GREB1: variants seen among roughly 807,000 people sequenced by gnomAD.
The protein encoded by GREB1 is growth regulating estrogen receptor binding 1.
Under a neutral mutation model 200.7 loss-of-function variants are expected in GREB1, and 106 were observed. The ratio of observed to expected loss-of-function variants is 0.53; its 90% CI spans 0.45 to 0.62. The LOEUF is 0.62. Ranked by LOEUF, GREB1 falls within the 20% of genes least tolerant of loss-of-function variation. GREB1 has a pLI of 0.00. For missense variants in GREB1, 2,243 were observed against 2,556.8 expected, an observed-to-expected ratio of 0.88 and a Z score of 2.65; for synonymous variants, 1,132 against 1,092.4, an observed-to-expected ratio of 1.04 and a Z score of -0.72.
chr2:11,487,738 C>A (rs75681738), intron 1 of GREB1, among the ~76,000 whole-genome samples: 3,580 of 152,274 alleles, frequency 0.024, 151 homozygotes, highest in African/African-American at 0.082. Flanking sequence ...AATTTTGTTT[C>A]TTGTGTTTCC....
chr2:11,618,823 G>A lies in GREB1; in HGVS notation c.3948G>A (p.Thr1316=), dbSNP rs772335576. The A allele has an allele frequency of 2.4e-5, 39 of 1,605,512 alleles. No homozygotes were observed. The highest frequency in any genetic ancestry group is 3.1e-5 in the Non-Finnish European group (36 of 1,179,310). ...TEQSLYYRQW[T]VPRPSHMDYG... is the part of the protein sequence containing the mutation. Reference sequence around the variant, plus strand: ...AGTCCCTCTACTACCGGCAGTGGACGGTGCCCCGGCCCAGCCACATGGACT... The same window carrying A: ...AGTCCCTCTACTACCGGCAGTGGACAGTGCCCCGGCCCAGCCACATGGACT... Residue 1316 remains threonine, a synonymous_variant, in exon 22 of 33, where the codon ACG becomes ACA. Transcript: ENST00000381486.
At chr2:11,593,167 C>T (rs763056368) in intron 11 of GREB1, 41 bp downstream of exon 11, 37 of 1,330,434 alleles carry the variant, frequency 2.8e-5, no homozygotes, top group Non-Finnish European at 3.6e-5. Flanking sequence ...GCCCCCTGAA[C>T]GGTGTTCCCG....
chr2:11,485,291 G>C (rs1349511894), intron 1 of GREB1, among the ~76,000 whole-genome samples: 2 of 112,346 alleles, frequency 1.8e-5, no homozygotes, highest in African/African-American at 7.4e-5. Flanking sequence ...TTTTTTTTTT[G>C]AGACAGAGTC....
At position 11,618,916 on chromosome 2, in the gene GREB1, T is replaced by C; in HGVS notation, c.4041T>C (p.Pro1347=). 1 of 1,512,414 alleles carries C rather than the reference T, an allele frequency of 6.6e-7. No homozygotes were observed. The highest frequency in any genetic ancestry group is 8.8e-7 in the Non-Finnish European group (1 of 1,133,926). 93.7% of individuals were successfully genotyped at this position (1,512,414 alleles called of 1,614,324 possible). The part of the protein sequence containing the change: ...HPRRLLLSGP[P]QIGKTGAYLQ... ...GCAGGCTGCTGCTCAGCGGCCCCCC[T>C]CAGGTGAGTGTTGCTCGCTGCCCCA... Residue 1347 remains proline, a synonymous_variant, in exon 22 of 33, where the codon CCT becomes CCC. Transcript: ENST00000381486.
intron 1 of GREB1, among the ~76,000 whole-genome samples, chr2:11,499,537 A>G (rs2043542): frequency 0.98 from 149,317 of 152,404 alleles, 73,184 homozygotes; most frequent in South Asian, 1. Flanking sequence ...CAGATCAATA[A>G]TATTTGCATT....
upstream of GREB1, among the ~76,000 whole-genome samples, chr2:11,530,197 G>A (rs892313481): frequency 1.3e-5 from 2 of 151,940 alleles, no homozygotes; most frequent in African/African-American, 4.8e-5. Flanking sequence ...TAGTAGCTGG[G>A]ACTACAGGTG....
intron 3 of GREB1, among the ~76,000 whole-genome samples, chr2:11,564,266 AG>A (rs939640583): frequency 7.2e-5 from 11 of 152,122 alleles, no homozygotes; most frequent in Admixed American, 1.3e-4. Context: ...CTGGGAGGGG[AG>A]GGACTCGGCC....
At chr2:11,626,164 G>C (rs1026610730) in intron 24 of GREB1, among the ~76,000 whole-genome samples, 1 of 152,180 alleles carries the variant, frequency 6.6e-6, no homozygotes. Flanking sequence ...TGACCCACCA[G>C]TCTCCATTTC....
At chr2:11,628,941 C>T (rs887141944) in intron 25 of GREB1, among the ~76,000 whole-genome samples, 1 of 152,186 alleles carries the variant, frequency 6.6e-6, no homozygotes, top group Non-Finnish European at 1.5e-5. Flanking sequence ...CGCGTGGCCC[C>T]CTGGCTGCCC....
intron 1 of GREB1, among the ~76,000 whole-genome samples, chr2:11,544,853 C>T (rs1405841451): frequency 1.3e-5 from 2 of 151,826 alleles, no homozygotes; most frequent in East Asian, 3.9e-4. Context: ...CTCACTCTGT[C>T]ACCCAGGCTG....
At chr2:11,587,741 A>ACACACACACACACGTG in intron 9 of GREB1, 3 of 788,322 alleles carry the variant, frequency 3.8e-6, no homozygotes, top group Non-Finnish European at 1.6e-6. Flanking sequence ...ACACACACAC[A>ACACACACACACACGTG]CGCCACCTTT....
At chr2:11,596,301 G>T in intron 13 of GREB1, 62 bp downstream of exon 13, 1 of 1,493,696 alleles carries the variant, frequency 6.7e-7, no homozygotes. Flanking sequence ...GAGGGGCAGG[G>T]TCAGTGGGCG....
upstream of GREB1, among the ~76,000 whole-genome samples, chr2:11,533,211 T>C (rs1674140602): frequency 6.6e-6 from 1 of 152,028 alleles, no homozygotes; most frequent in Non-Finnish European, 1.5e-5. Context: ...GAGACGGGGA[T>C]TGGGATGGGA....
chr2:11,537,062 A>G (rs1453754331), intron 1 of GREB1, among the ~76,000 whole-genome samples: 1 of 152,088 alleles, frequency 6.6e-6, no homozygotes, highest in Non-Finnish European at 1.5e-5. Flanking sequence ...TCCTGGGTTC[A>G]AGAGATTCTC....
chr2:11,547,355 C>T (rs1675383008), intron 1 of GREB1, among the ~76,000 whole-genome samples: 1 of 152,218 alleles, frequency 6.6e-6, no homozygotes, highest in South Asian at 2.1e-4. Flanking sequence ...CCAACCTTTC[C>T]AAGCCTTATT....
At chr2:11,615,998 A>G (rs1683367695) in intron 20 of GREB1, among the ~76,000 whole-genome samples, 1 of 152,220 alleles carries the variant, frequency 6.6e-6, no homozygotes, top group Non-Finnish European at 1.5e-5. Flanking sequence ...GTAGATGGAA[A>G]GGCCTGCCCG....
intron 17 of GREB1, 114 bp downstream of exon 17, chr2:11,602,656 C>T: frequency 1.2e-6 from 1 of 837,070 alleles, no homozygotes; most frequent in South Asian, 1.6e-5. Context: ...TCCTGAGCAA[C>T]TCAGTTTCTC....
intron 1 of GREB1, among the ~76,000 whole-genome samples, chr2:11,497,316 TTGC>T (rs1175651876): frequency 6.6e-6 from 1 of 152,248 alleles, no homozygotes; most frequent in East Asian, 1.9e-4. Flanking sequence ...TTCCTTTTTA[TTGC>T]TGAATTGTCT....
At chr2:11,496,770 A>G (rs1470900246) in intron 1 of GREB1, among the ~76,000 whole-genome samples, 3 of 152,220 alleles carry the variant, frequency 2.0e-5, no homozygotes, top group African/African-American at 7.2e-5. Context: ...ACATTTTGCA[A>G]AACTATCATA....
Sources: allele counts gnomAD v4.1 joint callset (sites outside exome capture counted in the v4.1 genomes callset), GRCh38; gene constraint gnomAD v4.1.1; transcripts MANE v1.5; gene names NCBI Gene and HGNC (gene_info 2026-07-23, HGNC 2026-07-21).